Variants in SYNDIG1 observed in about 807,000 individuals in gnomAD.
The protein encoded by SYNDIG1 is synapse differentiation inducing 1.
SYNDIG1 carries 9 observed loss-of-function variants against 19.4 expected under a neutral mutation model. The ratio of observed to expected loss-of-function variants is 0.46; its 90% CI spans 0.28 to 0.81. The LOEUF (loss-of-function observed/expected upper bound fraction) is 0.81. SYNDIG1 is among the 30% of genes least tolerant of loss of function. The pLI, the probability that SYNDIG1 is intolerant of heterozygous loss-of-function variation, is 0.12. For missense variants in SYNDIG1, 311 were observed against 343.3 expected, an observed-to-expected ratio of 0.91 and a Z score of 0.74; for synonymous variants, 141 against 145.9, an observed-to-expected ratio of 0.97 and a Z score of 0.24.
intron 1 of SYNDIG1, among the ~76,000 whole-genome samples, chr20:24,504,741 C>T (rs779181172): frequency 4.6e-5 from 7 of 152,184 alleles, no homozygotes; most frequent in Middle Eastern, 3.2e-3. Flanking sequence ...AGAGTTGAGA[C>T]GGAGACTAAA....
intron 3 of SYNDIG1, among the ~76,000 whole-genome samples, chr20:24,603,343 G>T (rs1209941859): frequency 6.6e-6 from 1 of 152,136 alleles, no homozygotes; most frequent in African/African-American, 2.4e-5. Flanking sequence ...AACCCATGGG[G>T]ACTTCTGGGG....
rs372040453 is a variant in SYNDIG1 at position 24,505,943 on chromosome 20, C to T, written c.-79+36190C>T. Among the ~76,000 whole-genome samples, 7 of 152,328 alleles carry T rather than the reference C, an allele frequency of 4.6e-5. No homozygotes were observed. The South Asian group carries it at 1.5e-3, about 32-fold the overall frequency. ...TAGCTAGATGCAGTCATGAAAACAA[C>T]ACTGCTAAGGGGAAATGGTTTCTTT... On this transcript the variant is annotated intron_variant, in intron 1 of 3. Transcript: ENST00000376862.
At chr20:24,662,729 C>G (rs1217043185) in intron 3 of SYNDIG1, among the ~76,000 whole-genome samples, 1 of 152,244 alleles carries the variant, frequency 6.6e-6, no homozygotes, top group East Asian at 1.9e-4. Context: ...TTTCTAACCG[C>G]CTGCACTTAT....
intron 3 of SYNDIG1, among the ~76,000 whole-genome samples, chr20:24,661,752 C>T (rs543562230): frequency 6.6e-6 from 1 of 151,934 alleles, no homozygotes; most frequent in Non-Finnish European, 1.5e-5. Flanking sequence ...CTGGCCACTC[C>T]CCCAACTAGA....
intron 3 of SYNDIG1, among the ~76,000 whole-genome samples, chr20:24,638,412 C>T (rs6083570): frequency 0.27 from 40,911 of 152,080 alleles, 6,236 homozygotes; most frequent in Middle Eastern, 0.37. Flanking sequence ...TAGAGTGCAG[C>T]GGCACCATCA....
chr20:24,543,107 A>G lies in SYNDIG1; in HGVS notation c.10A>G (p.Ile4Val). 6.2e-7 allele frequency: 1 copy of G among 1,613,196 alleles called. No individual in the cohort carries two copies. Among genetic ancestry groups the G allele is most frequent in the Non-Finnish European group, 8.5e-7 (1 of 1,179,206 alleles). ...CCAGGGAGAGAGTACCATGGATGGC[A>G]TCATTGAACAGAAGAGCATGCTGGT... is the stretch of plus-strand genomic sequence containing the variant. MDG[I>V]IEQKSMLVHS... The change falls in exon 2 of 4, where the codon ATC (isoleucine) becomes GTC (valine). Residue 4 changes from isoleucine to valine, a missense_variant. Physicochemically the swap from Ile to Val is conservative, Grantham distance 29 (BLOSUM62 3). Transcript: ENST00000376862.
chr20:24,560,634 T>C (rs1367949375), intron 2 of SYNDIG1, among the ~76,000 whole-genome samples: 1 of 152,038 alleles, frequency 6.6e-6, no homozygotes, highest in African/African-American at 2.4e-5. Context: ...TGAAGTCTTT[T>C]TTTTACTGAA....
intron 1 of SYNDIG1, among the ~76,000 whole-genome samples, chr20:24,470,944 A>G (rs1451326330): frequency 6.7e-6 from 1 of 149,328 alleles, no homozygotes; most frequent in African/African-American, 2.5e-5. Flanking sequence ...ACACCGGCCG[A>G]AGGCTTGGCT....
intron 3 of SYNDIG1, among the ~76,000 whole-genome samples, chr20:24,620,679 G>A (rs2059024504): frequency 6.6e-6 from 1 of 152,164 alleles, no homozygotes; most frequent in African/African-American, 2.4e-5. Context: ...AGATTATAAG[G>A]GATGGGAAAA....
At chr20:24,634,919 C>T (rs766869972) in intron 3 of SYNDIG1, among the ~76,000 whole-genome samples, 2 of 152,198 alleles carry the variant, frequency 1.3e-5, no homozygotes, top group African/African-American at 2.4e-5. Context: ...ATTGGTTGTG[C>T]GGTGTCTCAC....
At chr20:24,548,490 A>G (rs974877179) in intron 2 of SYNDIG1, among the ~76,000 whole-genome samples, 3 of 152,264 alleles carry the variant, frequency 2.0e-5, no homozygotes, top group Non-Finnish European at 4.4e-5. Flanking sequence ...AGTCATAAGT[A>G]TGGAAAGAGG....
chr20:24,612,798 A>C (rs1281952628), intron 3 of SYNDIG1, among the ~76,000 whole-genome samples: 1 of 152,222 alleles, frequency 6.6e-6, no homozygotes, highest in Non-Finnish European at 1.5e-5. Context: ...TCCTGGATCT[A>C]GAAACATCAC....
chr20:24,569,065 C>T (rs773327559), intron 2 of SYNDIG1, among the ~76,000 whole-genome samples: 8 of 152,174 alleles, frequency 5.3e-5, no homozygotes, highest in Non-Finnish European at 1.0e-4. Flanking sequence ...CCTCGAGAGC[C>T]CGCCCATTTC....
At chr20:24,529,889 G>GA (rs2057209135) in intron 1 of SYNDIG1, among the ~76,000 whole-genome samples, 1 of 148,226 alleles carries the variant, frequency 6.7e-6, no homozygotes, top group African/African-American at 2.5e-5. Context: ...TGGTGATGGT[G>GA]GTGAGGGTGA....
intron 3 of SYNDIG1, among the ~76,000 whole-genome samples, chr20:24,589,367 T>G (rs760403912): frequency 6.6e-6 from 1 of 152,236 alleles, no homozygotes; most frequent in Non-Finnish European, 1.5e-5. Context: ...TTTCTAACCC[T>G]TAAAGCCATA....
chr20:24,590,008 C>T (rs1415582733), intron 3 of SYNDIG1, among the ~76,000 whole-genome samples: 4 of 152,222 alleles, frequency 2.6e-5, no homozygotes, highest in African/African-American at 9.6e-5. Flanking sequence ...TCAGAGCTAA[C>T]GTGCTCGTCG....
At chr20:24,615,556 A>G (rs1333870825) in intron 3 of SYNDIG1, among the ~76,000 whole-genome samples, 1 of 152,078 alleles carries the variant, frequency 6.6e-6, no homozygotes, top group Non-Finnish European at 1.5e-5. Flanking sequence ...CATCCTCCCC[A>G]TGGACCCGGG....
At chr20:24,555,048 A>C (rs1221677568) in intron 2 of SYNDIG1, among the ~76,000 whole-genome samples, 2 of 151,818 alleles carry the variant, frequency 1.3e-5, no homozygotes, top group South Asian at 2.1e-4. Context: ...TGTATGTGTC[A>C]AGGAATTTAT....
In SYNDIG1 at chr20:24,481,524, C is replaced by T. The variant is rs371026683; in HGVS notation, c.-79+11771C>T. On this transcript the variant is annotated intron_variant, in intron 1 of 3. Coordinates refer to ENST00000376862, the MANE Select transcript of SYNDIG1 (RefSeq NM_024893.3). ...AAGACTGCACGATCTCCTGAACCGT[C>T]TCCACAGCCACTCTGGGTCAGCGCC... 3.9e-4 allele frequency among the ~76,000 whole-genome samples: 60 copies of T among 152,362 alleles called. 1 individual carries two copies. The highest frequency in any genetic ancestry group is 1.4e-3 in the African/African-American group (59 of 41,582).
Sources: gnomAD v4.1 joint callset for allele counts (sites outside exome capture counted in the v4.1 genomes callset) on GRCh38, gnomAD v4.1.1 for gene constraint, MANE v1.5 for transcripts, NCBI Gene and HGNC (gene_info 2026-07-23, HGNC 2026-07-21) for gene names.